The following DCDC2C variants were observed in gnomAD, a reference collection of about 807,000 sequenced individuals.
The protein encoded by DCDC2C is doublecortin domain containing 2C.
DCDC2C carries 44 observed loss-of-function variants against 45.0 expected under a neutral mutation model. The ratio of observed to expected loss-of-function variants is 0.98; its 90% CI spans 0.77 to 1.26. The LOEUF (loss-of-function observed/expected upper bound fraction) is 1.26. DCDC2C is among the 50% of genes most tolerant of loss of function. The probability of loss-of-function intolerance (pLI) is 0.00; values close to 1 mark genes in which losing one functional copy is unlikely to be tolerated. For synonymous variants in DCDC2C, 187 were observed against 178.8 expected, an observed-to-expected ratio of 1.05 and a Z score of -0.37; for missense variants, 447 against 468.9, an observed-to-expected ratio of 0.95 and a Z score of 0.43.
chr2:3,714,644 T>C (rs866084095), intron 2 of DCDC2C, among the ~76,000 whole-genome samples: 14 of 152,362 alleles, frequency 9.2e-5, no homozygotes, highest in Middle Eastern at 6.8e-3. Flanking sequence ...CACTGAAGCC[T>C]ACCAATGAAT....
rs1218443818 is a variant in DCDC2C, at chr2:3,785,328, A to G, written c.1065+228A>G. On this transcript the variant is annotated intron_variant, in intron 10 of 10. Transcript: ENST00000399143. ...GGTGGATGGATCCTCAGGAAAGGCA[A>G]ATAAGAACCAGGAGTAAAAAGCGCC... Among the ~76,000 whole-genome samples, 3 of 152,202 alleles carry G rather than the reference A, an allele frequency of 2.0e-5. No individual in the cohort carries two copies. The East Asian group carries it at 5.8e-4, about 30-fold the overall frequency.
intron 3 of DCDC2C, among the ~76,000 whole-genome samples, chr2:3,730,736 G>A (rs757508461): frequency 2.0e-5 from 3 of 152,148 alleles, no homozygotes; most frequent in South Asian, 2.1e-4. Flanking sequence ...CGCCTGGGTC[G>A]TGACTGCCCT....
chr2:3,812,934 G>A (rs1259802989), intron 10 of DCDC2C, among the ~76,000 whole-genome samples: 1 of 151,750 alleles, frequency 6.6e-6, no homozygotes, highest in East Asian at 1.9e-4. Flanking sequence ...TTGCACTGTA[G>A]TCTGAGAGAC....
chr2:3,709,438 A>C (rs1668150787), intron 2 of DCDC2C, among the ~76,000 whole-genome samples: 1 of 152,244 alleles, frequency 6.6e-6, no homozygotes, highest in Non-Finnish European at 1.5e-5. Flanking sequence ...AGCTCCATGC[A>C]GGACACGCCA....
At chr2:3,753,799 T>C (rs1669611214) in intron 5 of DCDC2C, among the ~76,000 whole-genome samples, 1 of 152,162 alleles carries the variant, frequency 6.6e-6, no homozygotes, top group Non-Finnish European at 1.5e-5. Flanking sequence ...TGCTAGGGTT[T>C]GTACCTCAAG....
intron 2 of DCDC2C, among the ~76,000 whole-genome samples, chr2:3,725,299 G>A (rs1289647885): frequency 1.3e-5 from 2 of 152,280 alleles, no homozygotes; most frequent in South Asian, 2.1e-4. Flanking sequence ...GAGGCTGTGG[G>A]GGCTCGAGCA....
intron 10 of DCDC2C, among the ~76,000 whole-genome samples, chr2:3,839,085 G>C (rs1484571806): frequency 6.6e-6 from 1 of 152,092 alleles, no homozygotes; most frequent in African/African-American, 2.4e-5. Flanking sequence ...AGGGCCACAG[G>C]GGGACAGGAA....
At chr2:3,732,564 A>T (rs549019774) in intron 3 of DCDC2C, among the ~76,000 whole-genome samples, 4 of 152,290 alleles carry the variant, frequency 2.6e-5, no homozygotes, top group African/African-American at 9.6e-5. Context: ...GGCATTTCCA[A>T]AATACCAGAT....
chr2:3,801,561 G>A (rs1572629076), intron 10 of DCDC2C, among the ~76,000 whole-genome samples: 1 of 152,348 alleles, frequency 6.6e-6, no homozygotes, highest in East Asian at 1.9e-4. Context: ...GTAGAAAAAT[G>A]ACAGTTGTAT....
chr2:3,752,671 A>G (rs1352235099), intron 4 of DCDC2C, 92 bp from the exon 5 acceptor site: 3 of 1,438,180 alleles, frequency 2.1e-6, no homozygotes, highest in East Asian at 2.5e-5. Flanking sequence ...CGGTCCATGC[A>G]CTAGTCATGT....
At chr2:3,710,022 CA>C (rs1472730357) in intron 2 of DCDC2C, among the ~76,000 whole-genome samples, 2 of 152,002 alleles carry the variant, frequency 1.3e-5, no homozygotes, top group African/African-American at 4.8e-5. Context: ...TATAGTTACC[CA>C]AAAGAGTTTA....
At chr2:3,754,954 C>T (rs1669646478) in intron 6 of DCDC2C, among the ~76,000 whole-genome samples, 1 of 152,182 alleles carries the variant, frequency 6.6e-6, no homozygotes, top group Admixed American at 6.5e-5. Flanking sequence ...GTAACTGACT[C>T]AAGCTTGGCA....
At chr2:3,796,963 C>T (rs187810794) in intron 10 of DCDC2C, among the ~76,000 whole-genome samples, 3,158 of 152,270 alleles carry the variant, frequency 0.021, 99 homozygotes, top group African/African-American at 0.072. Context: ...CCTCCTTGTA[C>T]CTCTGGTAGA....
At chr2:3,721,824 C>T (rs1471593202) in intron 2 of DCDC2C, among the ~76,000 whole-genome samples, 1 of 152,208 alleles carries the variant, frequency 6.6e-6, no homozygotes, top group Non-Finnish European at 1.5e-5. Flanking sequence ...TTGCCCTGCA[C>T]AAGCTCTCTT....
At chr2:3,844,926 C>T (rs1329833278) in intron 10 of DCDC2C, among the ~76,000 whole-genome samples, 1 of 149,426 alleles carries the variant, frequency 6.7e-6, no homozygotes, top group Non-Finnish European at 1.5e-5. Context: ...CATGTTCTCC[C>T]TTTTTAAAAG....
At chr2:3,741,373 G>C (rs1669200164) in intron 3 of DCDC2C, among the ~76,000 whole-genome samples, 1 of 152,192 alleles carries the variant, frequency 6.6e-6, no homozygotes, top group South Asian at 2.1e-4. Flanking sequence ...AGTAGTGGGA[G>C]ACATGTTTTA....
intron 10 of DCDC2C, among the ~76,000 whole-genome samples, chr2:3,821,383 G>A (rs1366045977): frequency 6.6e-6 from 1 of 152,038 alleles, no homozygotes; most frequent in African/African-American, 2.4e-5. Flanking sequence ...TTTTTCCTAT[G>A]TGGATGCTTT....
At chr2:3,838,840 G>A (rs969928439) in intron 10 of DCDC2C, among the ~76,000 whole-genome samples, 1 of 152,166 alleles carries the variant, frequency 6.6e-6, no homozygotes, top group Non-Finnish European at 1.5e-5. Flanking sequence ...TTTGTCCCAA[G>A]GCTACAAAAT....
intron 2 of DCDC2C, among the ~76,000 whole-genome samples, chr2:3,724,104 G>T (rs1668569629): frequency 6.6e-6 from 1 of 152,120 alleles, no homozygotes; most frequent in South Asian, 2.1e-4. Flanking sequence ...ATTCTCATAA[G>T]AACTCTGTAA....
Sources: allele counts gnomAD v4.1 joint callset (sites outside exome capture counted in the v4.1 genomes callset), GRCh38; gene constraint gnomAD v4.1.1; transcripts MANE v1.5; gene names NCBI Gene and HGNC (gene_info 2026-07-23, HGNC 2026-07-21).